The following MACROD2 variants were observed in gnomAD, a reference collection of about 807,000 sequenced individuals.
MACROD2 encodes the protein ADP-ribose glycohydrolase MACROD2.
A neutral mutation model predicts 70.4 loss-of-function variants in MACROD2; 36 were observed. The ratio of observed to expected loss-of-function variants is 0.51; its 90% CI spans 0.39 to 0.68. The LOEUF (loss-of-function observed/expected upper bound fraction) is 0.68, where lower values mean the gene tolerates loss of function less well. Ranked by LOEUF, MACROD2 falls within the 30% of genes least tolerant of loss-of-function variation. The probability of loss-of-function intolerance (pLI) is 0.00; values close to 1 mark genes in which losing one functional copy is unlikely to be tolerated. For synonymous variants in MACROD2, 172 were observed against 178.8 expected (o/e 0.96, Z 0.30); for missense variants, 496 against 538.4 (o/e 0.92, Z 0.78).
intron 8 of MACROD2, among the ~76,000 whole-genome samples, chr20:15,770,630 C>T (rs1385207716): frequency 6.6e-6 from 1 of 152,120 alleles, no homozygotes; most frequent in African/African-American, 2.4e-5. Flanking sequence ...AATAATGCTG[C>T]ATAACAGACC....
intron 4 of MACROD2, among the ~76,000 whole-genome samples, chr20:14,596,581 T>G (rs1982160818): frequency 6.6e-6 from 1 of 152,008 alleles, no homozygotes; most frequent in Non-Finnish European, 1.5e-5. Context: ...CTTCAGTACT[T>G]TTATCTACTT....
chr20:14,099,983 A>T (rs916600922), intron 3 of MACROD2, among the ~76,000 whole-genome samples: 1 of 152,134 alleles, frequency 6.6e-6, no homozygotes, highest in Non-Finnish European at 1.5e-5. Flanking sequence ...TGTAAATGTT[A>T]TGGTCATATG....
chr20:14,766,082 T>TA (rs2072084465), intron 5 of MACROD2, among the ~76,000 whole-genome samples: 1 of 152,044 alleles, frequency 6.6e-6, no homozygotes, highest in South Asian at 2.1e-4. Flanking sequence ...CCCTCACACT[T>TA]ACGATTCACT....
intron 7 of MACROD2, among the ~76,000 whole-genome samples, chr20:15,488,220 G>A (rs1054077488): frequency 4.6e-5 from 7 of 152,152 alleles, no homozygotes; most frequent in Middle Eastern, 3.2e-3. Flanking sequence ...ACTCCAGAGA[G>A]CAGCACAGAA....
rs545027703 is a variant in MACROD2, at chr20:15,383,050, C to T, written c.541-48355C>T. Among the ~76,000 whole-genome samples, 5 of 152,278 alleles carry T rather than the reference C, an allele frequency of 3.3e-5. No homozygotes were observed. In the South Asian group the frequency reaches 6.2e-4, roughly 19 times the overall value. ...AAAGCTAAAACTATATGAAATCCTT[C>T]GTCTAAAATGACGAATCTGAAAATT... is the stretch of plus-strand genomic sequence containing the variant. On this transcript the variant is annotated intron_variant, in intron 6 of 17. Transcript: ENST00000684519.
At chr20:15,841,201 G>A (rs1390787106) in intron 8 of MACROD2, among the ~76,000 whole-genome samples, 1 of 152,138 alleles carries the variant, frequency 6.6e-6, no homozygotes, top group Non-Finnish European at 1.5e-5. Context: ...AAACAGAAGG[G>A]ATGTTAAGGC....
At position 15,777,819 on chromosome 20, in the gene MACROD2, A is replaced by AT. The variant is rs562254998; in HGVS notation, c.646-84921dup. Reference sequence around the variant, plus strand: ...GCCATCACACATGGCTAATTTTTGTATTTTTAGTAGAGACAGGGCTTCACC... The same window carrying AT: ...GCCATCACACATGGCTAATTTTTGTATTTTTTAGTAGAGACAGGGCTTCACC... On this transcript the variant is annotated intron_variant, in intron 8 of 17. Coordinates refer to ENST00000684519, the MANE Select transcript of MACROD2 (RefSeq NM_001351661.2). 3.2e-3 allele frequency among the ~76,000 whole-genome samples: 482 copies of AT among 152,036 alleles called. 4 individuals are homozygous for AT. The highest frequency in any genetic ancestry group is 0.011 in the African/African-American group (448 of 41,462).
intron 3 of MACROD2, among the ~76,000 whole-genome samples, chr20:14,479,444 A>G (rs2084637121): frequency 6.6e-6 from 1 of 152,122 alleles, no homozygotes; most frequent in Non-Finnish European, 1.5e-5. Context: ...GACTGAGCCT[A>G]CTTGGGCTGC....
intron 6 of MACROD2, among the ~76,000 whole-genome samples, chr20:15,320,030 G>A (rs1459021946): frequency 6.6e-6 from 1 of 152,140 alleles, no homozygotes; most frequent in Admixed American, 6.5e-5. Flanking sequence ...CCAACATGGT[G>A]AAACCCCATC....
At chr20:15,820,662 A>T (rs930295446) in intron 8 of MACROD2, among the ~76,000 whole-genome samples, 6 of 152,158 alleles carry the variant, frequency 3.9e-5, no homozygotes, top group Non-Finnish European at 8.8e-5. Flanking sequence ...ATATTTTCTT[A>T]AATGTGTTCA....
At chr20:15,388,487 G>T (rs865899851) in intron 6 of MACROD2, among the ~76,000 whole-genome samples, 2 of 152,150 alleles carry the variant, frequency 1.3e-5, no homozygotes, top group Middle Eastern at 6.8e-3. Context: ...GGCCAAATTT[G>T]AATTTCAGAT....
In MACROD2 at chr20:15,638,030, A is replaced by AT. The variant is rs1196387420; in HGVS notation, c.645+138183_645+138184insT. Among the ~76,000 whole-genome samples the AT allele has an allele frequency of 3.5e-4, 46 of 130,144 alleles. 1 individual carries two copies. Among genetic ancestry groups the AT allele is most frequent in the Middle Eastern group, 4.6e-3 (1 of 216 alleles). 85.4% of individuals were successfully genotyped at this position (130,144 alleles called of 152,430 possible). A position where few individuals can be genotyped will look rare whatever the true frequency, so the allele number is the denominator to read the frequency against. Reference sequence around the variant, plus strand: ...GAGAGAAAATGACAGGAAGGCCCAGAATTTTTTTTTACGAGGCTTGTGTTG... The same window carrying AT: ...GAGAGAAAATGACAGGAAGGCCCAGATATTTTTTTTTACGAGGCTTGTGTTG... On this transcript the variant is annotated intron_variant, in intron 8 of 17. Coordinates refer to ENST00000684519, the MANE Select transcript of MACROD2 (RefSeq NM_001351661.2).
At chr20:14,636,476 G>C (rs1006786308) in intron 4 of MACROD2, 1 of 151,874 alleles carries the variant, frequency 6.6e-6, no homozygotes, top group Non-Finnish European at 1.5e-5. Context: ...ATTGAGGACC[G>C]TCCCTTTCTT....
chr20:14,716,658 T>C (rs1439793012), intron 5 of MACROD2, among the ~76,000 whole-genome samples: 1 of 152,088 alleles, frequency 6.6e-6, no homozygotes, highest in African/African-American at 2.4e-5. Flanking sequence ...CTTGGAAAAA[T>C]GCAGTTCAAT....
chr20:14,520,956 C>T (rs75166211), intron 4 of MACROD2, among the ~76,000 whole-genome samples: 2,613 of 82,638 alleles, frequency 0.032, 149 homozygotes, highest in East Asian at 0.23. Context: ...CGTGCGTGCG[C>T]GCACACACAC....
At chr20:15,942,252 T>C (rs1265780357) in intron 12 of MACROD2, among the ~76,000 whole-genome samples, 1 of 152,172 alleles carries the variant, frequency 6.6e-6, no homozygotes, top group Non-Finnish European at 1.5e-5. Context: ...GATTGTGAGC[T>C]ACACACTGAT....
At chr20:15,430,537 C>T (rs2046351507) in intron 6 of MACROD2, among the ~76,000 whole-genome samples, 1 of 151,936 alleles carries the variant, frequency 6.6e-6, no homozygotes, top group South Asian at 2.1e-4. Flanking sequence ...GTTGCCATAC[C>T]CAGACCACTT....
At chr20:14,044,415 G>A (rs1322408136) in intron 2 of MACROD2, among the ~76,000 whole-genome samples, 1 of 152,114 alleles carries the variant, frequency 6.6e-6, no homozygotes, top group African/African-American at 2.4e-5. Flanking sequence ...GTGTGGAAGG[G>A]GACCTGAGCG....
At chr20:14,645,810 G>A (rs1042131560) in intron 4 of MACROD2, among the ~76,000 whole-genome samples, 2 of 151,920 alleles carry the variant, frequency 1.3e-5, no homozygotes, top group Non-Finnish European at 2.9e-5. Context: ...ATAACAGAGA[G>A]ATCACATTCT....
Sources: allele counts gnomAD v4.1 joint callset (sites outside exome capture counted in the v4.1 genomes callset), GRCh38; gene constraint gnomAD v4.1.1; transcripts MANE v1.5; gene names NCBI Gene and HGNC (gene_info 2026-07-23, HGNC 2026-07-21).